The following NSUN3 variants were observed in gnomAD, a reference collection of about 807,000 sequenced individuals.
NSUN3 encodes tRNA (cytosine(34)-C(5))-methyltransferase, mitochondrial.
NSUN3 carries 24 observed loss-of-function variants against 36.8 expected under a neutral mutation model. The ratio of observed to expected loss-of-function variants is 0.65; its 90% CI spans 0.47 to 0.92. The LOEUF (loss-of-function observed/expected upper bound fraction) is 0.92, where lower values mean the gene tolerates loss of function less well. Among genes scored for constraint, NSUN3 ranks in the 40% least tolerant of loss-of-function variants. The pLI, the probability that NSUN3 is intolerant of heterozygous loss-of-function variation, is 0.00. For missense variants in NSUN3, 381 were observed against 392.8 expected (o/e 0.97, Z 0.25); for synonymous variants, 146 against 145.2 (o/e 1.01, Z -0.04).
At position 94,129,570 on chromosome 3, in the gene NSUN3, G is replaced by A. The variant is rs78131055; in HGVS notation, c.*3080G>A. 5.1e-3 allele frequency among the ~76,000 whole-genome samples: 778 copies of A among 152,010 alleles called. 7 individuals carry two copies. The highest frequency in any genetic ancestry group is 0.017 in the African/African-American group (710 of 41,460). The stretch of plus-strand genomic sequence containing the variant: ...CACTCACTACCTGGGTGACGGGATC[G>A]TCTGTACCCCAAACCTCAGCATCAT... On this transcript the variant is annotated 3_prime_UTR_variant, in exon 6 of 6. Transcript: ENST00000314622.
At chr3:94,076,416 A>G (rs2077246508) in intron 2 of NSUN3, 2 of 798,408 alleles carry the variant, frequency 2.5e-6, no homozygotes, top group South Asian at 1.3e-5. Flanking sequence ...CAAGTATCCC[A>G]AATCATAAGT....
intron 2 of NSUN3, among the ~76,000 whole-genome samples, chr3:94,071,358 T>C (rs954570199): frequency 6.6e-6 from 1 of 152,184 alleles, no homozygotes; most frequent in Admixed American, 6.5e-5. Context: ...CATGAAAATA[T>C]ATTAAGATGA....
In NSUN3 at chr3:94,120,193, G is replaced by A. The variant is rs150570687; in HGVS notation, c.744-6018G>A. Among the ~76,000 whole-genome samples, 775 of 152,336 alleles carry A rather than the reference G, an allele frequency of 5.1e-3. 7 individuals carry two copies. The highest frequency in any genetic ancestry group is 0.017 in the African/African-American group (706 of 41,584). On this transcript the variant is annotated intron_variant, in intron 5 of 5. Transcript: ENST00000314622. ...TAGTCATTTTCATGGGAGGTTGGAA[G>A]TATCTGAATTCAAATATTGCCTATA...
chr3:94,120,586 A>G (rs1304956230), intron 5 of NSUN3, among the ~76,000 whole-genome samples: 5 of 152,190 alleles, frequency 3.3e-5, no homozygotes, highest in South Asian at 4.1e-4. Context: ...ATGTTATAGC[A>G]TCTGTCAGAG....
chr3:94,081,720 G>T (rs993121917), intron 2 of NSUN3: 1 of 152,132 alleles, frequency 6.6e-6, no homozygotes, highest in African/African-American at 2.4e-5. Context: ...AAACATGCAG[G>T]ATTTAACCTT....
rs746885912 is a variant in NSUN3, at chr3:94,115,833, A to T, written c.744-10378A>T. 1.2e-3 allele frequency among the ~76,000 whole-genome samples: 179 copies of T among 152,192 alleles called. 1 individual carries two copies. The highest frequency in any genetic ancestry group is 2.0e-3 in the Non-Finnish European group (137 of 68,018). ...TCCGAGAAAGAGAATTTATATTTTT[A>T]AAAAAGTGTTAGGATGTTTTAATAG... On this transcript the variant is annotated intron_variant, in intron 5 of 5. Transcript: ENST00000314622.
intron 2 of NSUN3, among the ~76,000 whole-genome samples, chr3:94,075,136 T>G (rs1251203751): frequency 6.6e-6 from 1 of 152,070 alleles, no homozygotes; most frequent in Non-Finnish European, 1.5e-5. Context: ...ATTTAATTTT[T>G]AAAACAAATA....
intron 2 of NSUN3, among the ~76,000 whole-genome samples, chr3:94,082,966 A>C (rs1363661756): frequency 2.0e-5 from 3 of 152,162 alleles, no homozygotes; most frequent in Non-Finnish European, 4.4e-5. Flanking sequence ...TCCCTCTAAC[A>C]CCCTTTTATG....
chr3:94,076,767 T>A, intron 2 of NSUN3: 1 of 1,510,984 alleles, frequency 6.6e-7, no homozygotes, highest in Non-Finnish European at 9.2e-7. Flanking sequence ...ATACAAGGAT[T>A]CTGGGGCATA....
chr3:94,114,605 AT>A (rs964548202), intron 5 of NSUN3, among the ~76,000 whole-genome samples: 2 of 152,074 alleles, frequency 1.3e-5, no homozygotes, highest in Non-Finnish European at 2.9e-5. Context: ...TTGTTTACTT[AT>A]TTTTTTAAAT....
At chr3:94,103,488 A>C (rs2077374014) in intron 5 of NSUN3, among the ~76,000 whole-genome samples, 1 of 151,548 alleles carries the variant, frequency 6.6e-6, no homozygotes, top group African/African-American at 2.4e-5. Context: ...TGGAGCTAAG[A>C]TACATATATT....
chr3:94,077,257 T>A, intron 2 of NSUN3: 1 of 591,346 alleles, frequency 1.7e-6, no homozygotes. Flanking sequence ...GATTTGCATA[T>A]GTTGAACCAG....
chr3:94,085,358 A>G (rs891862082), intron 3 of NSUN3: 1 of 152,328 alleles, frequency 6.6e-6, no homozygotes, highest in Non-Finnish European at 1.5e-5. Flanking sequence ...CCCCGAATAA[A>G]TATTACCTAC....
chr3:94,123,155 T>C (rs1221219688), intron 5 of NSUN3, among the ~76,000 whole-genome samples: 1 of 152,158 alleles, frequency 6.6e-6, no homozygotes, highest in Admixed American at 6.5e-5. Flanking sequence ...CCCTTCTCCC[T>C]TCCTTCTGGA....
chr3:94,123,005 A>G (rs553296191), intron 5 of NSUN3, among the ~76,000 whole-genome samples: 3 of 152,254 alleles, frequency 2.0e-5, no homozygotes, highest in Non-Finnish European at 4.4e-5. Context: ...GTTCAATCTC[A>G]TGAGCAGAAT....
intron 5 of NSUN3, among the ~76,000 whole-genome samples, chr3:94,098,804 C>T (rs1344931991): frequency 6.6e-6 from 1 of 152,110 alleles, no homozygotes; most frequent in Non-Finnish European, 1.5e-5. Flanking sequence ...TCAGCTCTGA[C>T]GTCTCCTTAC....
intron 2 of NSUN3, chr3:94,075,908 C>T (rs2077243893): frequency 1.7e-5 from 23 of 1,382,184 alleles, no homozygotes; most frequent in Non-Finnish European, 2.3e-5. Context: ...AAAGACGTAT[C>T]TAGGACCCTT....
chr3:94,078,358 T>G (rs2077254965), intron 2 of NSUN3, among the ~76,000 whole-genome samples: 1 of 152,196 alleles, frequency 6.6e-6, no homozygotes, highest in Admixed American at 6.5e-5. Flanking sequence ...TACTTCCAAT[T>G]ATGTGGTCAG....
At chr3:94,107,086 G>A (rs553422049) in intron 5 of NSUN3, among the ~76,000 whole-genome samples, 64 of 152,098 alleles carry the variant, frequency 4.2e-4, no homozygotes, top group South Asian at 1.5e-3. Flanking sequence ...TGAACAATAG[G>A]TATACACCAG....
Sources: gnomAD v4.1 joint callset for allele counts (sites outside exome capture counted in the v4.1 genomes callset) on GRCh38, gnomAD v4.1.1 for gene constraint, MANE v1.5 for transcripts, NCBI Gene and HGNC (gene_info 2026-07-23, HGNC 2026-07-21) for gene names.